NT5C3A: variants seen among roughly 807,000 people sequenced by gnomAD.
NT5C3A encodes 5'-nucleotidase, cytosolic IIIA.
A neutral mutation model predicts 40.0 loss-of-function variants in NT5C3A; 23 were observed. The observed-to-expected ratio is 0.58, with a 90% CI of 0.41 to 0.81. The LOEUF is 0.81. Among genes scored for constraint, NT5C3A ranks in the 40% least tolerant of loss-of-function variants. The pLI, the probability that NT5C3A is intolerant of heterozygous loss-of-function variation, is 0.00. For missense variants in NT5C3A, 328 were observed against 403.0 expected, an observed-to-expected ratio of 0.81 and a Z score of 1.59; for synonymous variants, 130 against 141.4, an observed-to-expected ratio of 0.92 and a Z score of 0.57.
chr7:33,022,916 T>C (rs1022318772), intron 3 of NT5C3A, among the ~76,000 whole-genome samples: 2 of 151,644 alleles, frequency 1.3e-5, no homozygotes, highest in Non-Finnish European at 2.9e-5. Flanking sequence ...TGAAGATTTT[T>C]AGTGTTTTTT....
At chr7:33,037,374 TA>T (rs75596388) in intron 1 of NT5C3A, among the ~76,000 whole-genome samples, 49,082 of 152,052 alleles carry the variant, frequency 0.32, 8,285 homozygotes, top group Non-Finnish European at 0.37. Context: ...GTTTGTTCCA[TA>T]ATGACTTTAC....
At chr7:33,028,570 G>A (rs935915389) in intron 1 of NT5C3A, among the ~76,000 whole-genome samples, 1 of 152,150 alleles carries the variant, frequency 6.6e-6, no homozygotes, top group Non-Finnish European at 1.5e-5. Flanking sequence ...TATGTTATTA[G>A]TAATATTAAC....
Position 33,050,748 on chromosome 7 carries a change from A to C in NT5C3A, c.138+11820T>G, listed in dbSNP as rs79121282. Reference sequence around the variant, plus strand: ...GGAAGATAAACAACATATATGAAAAAAATGACAAAATGGCATTTAAGTCTA... The same window carrying C: ...GGAAGATAAACAACATATATGAAAACAATGACAAAATGGCATTTAAGTCTA... On this transcript the variant is annotated intron_variant, in intron 1 of 8. Coordinates refer to ENST00000610140, the MANE Select transcript of NT5C3A (RefSeq NM_001002010.5). 9.7e-3 allele frequency among the ~76,000 whole-genome samples: 1,480 copies of C among 152,360 alleles called. 9 individuals carry two copies. The highest frequency in any genetic ancestry group is 0.02 in the South Asian group (98 of 4,828).
At chr7:33,038,891 G>GTGTT (rs1786752550) in intron 1 of NT5C3A, 1 of 456,350 alleles carries the variant, frequency 2.2e-6, no homozygotes, top group African/African-American at 2.0e-5. Flanking sequence ...TGTAGAAGAC[G>GTGTT]TGTTCAAAAA....
intron 1 of NT5C3A, among the ~76,000 whole-genome samples, chr7:33,057,572 G>C (rs1787618221): frequency 6.6e-6 from 1 of 152,016 alleles, no homozygotes; most frequent in South Asian, 2.1e-4. Flanking sequence ...AAGAAACACA[G>C]TATGCTAAAG....
intron 1 of NT5C3A, among the ~76,000 whole-genome samples, chr7:33,057,707 T>C (rs979922491): frequency 2.6e-5 from 4 of 152,154 alleles, no homozygotes; most frequent in African/African-American, 9.7e-5. Flanking sequence ...CTAGTGATCG[T>C]TCCATCTCCC....
chr7:33,045,142 G>A (rs1231590344), intron 1 of NT5C3A, among the ~76,000 whole-genome samples: 2 of 152,150 alleles, frequency 1.3e-5, no homozygotes, highest in Non-Finnish European at 2.9e-5. Context: ...TGCCATATAC[G>A]GAAGACAATT....
chr7:33,020,251 A>T (rs927175352), intron 5 of NT5C3A, among the ~76,000 whole-genome samples: 1 of 152,150 alleles, frequency 6.6e-6, no homozygotes, highest in Non-Finnish European at 1.5e-5. Context: ...TCTCTAACCC[A>T]TTACAATTAT....
At chr7:33,022,641 C>T (rs138347109) in intron 3 of NT5C3A, among the ~76,000 whole-genome samples, 1 of 152,244 alleles carries the variant, frequency 6.6e-6, no homozygotes, top group East Asian at 1.9e-4. Flanking sequence ...AGAGATCATA[C>T]CAAATCTGTA....
intron 1 of NT5C3A, chr7:33,029,514 T>C: frequency 2.0e-6 from 1 of 489,680 alleles, no homozygotes; most frequent in Non-Finnish European, 3.7e-6. Context: ...AATCAGCATA[T>C]GTTTGATTCA....
At chr7:33,029,057 A>C (rs1357621359) in intron 1 of NT5C3A, among the ~76,000 whole-genome samples, 1 of 152,136 alleles carries the variant, frequency 6.6e-6, no homozygotes, top group African/African-American at 2.4e-5. Flanking sequence ...CCATGGATGA[A>C]AGATCTACCA....
chr7:33,017,294 C>A, intron 7 of NT5C3A, 145 bp downstream of exon 7: 1 of 630,596 alleles, frequency 1.6e-6, no homozygotes, highest in Non-Finnish European at 2.8e-6. Flanking sequence ...TATATTAACA[C>A]TGAGAAGGAT....
rs189507214 is a variant in NT5C3A at position 33,017,982 on chromosome 7, C to A, written c.531-381G>T. ...ATTGCTTGAGCCCAGGAGTTCTAGT[C>A]CACTCTGGGCAACATAGCGAGACCC... On this transcript the variant is annotated intron_variant, in intron 6 of 8. Transcript: ENST00000610140. 6.0e-3 allele frequency among the ~76,000 whole-genome samples: 913 copies of A among 152,188 alleles called. 9 individuals carry two copies. Among genetic ancestry groups the A allele is most frequent in the African/African-American group, 0.021 (871 of 41,514 alleles).
At chr7:33,046,881 G>T (rs1306610591) in intron 1 of NT5C3A, among the ~76,000 whole-genome samples, 1 of 149,984 alleles carries the variant, frequency 6.7e-6, no homozygotes, top group Non-Finnish European at 1.5e-5. Flanking sequence ...TTGGCTCACT[G>T]CAGCCTCTGC....
At chr7:33,017,342 C>T in intron 7 of NT5C3A, 97 bp downstream of exon 7, 2 of 971,746 alleles carry the variant, frequency 2.1e-6, no homozygotes. Context: ...GGCCTAATTT[C>T]TGGATATAGG....
At chr7:33,043,949 G>C (rs1787035839) in intron 1 of NT5C3A, among the ~76,000 whole-genome samples, 1 of 151,964 alleles carries the variant, frequency 6.6e-6, no homozygotes, top group African/African-American at 2.4e-5. Context: ...CCTTTTTATA[G>C]ATAAAGAATC....
chr7:33,022,157 A>C (rs976665776), intron 3 of NT5C3A, 58 bp from the exon 4 acceptor site: 6 of 902,618 alleles, frequency 6.6e-6, no homozygotes, highest in African/African-American at 1.6e-5. Flanking sequence ...TGCTACCACT[A>C]CTATGAATAA....
chr7:33,042,157 T>C (rs1337453898), intron 1 of NT5C3A, among the ~76,000 whole-genome samples: 1 of 152,008 alleles, frequency 6.6e-6, no homozygotes, highest in Non-Finnish European at 1.5e-5. Context: ...GCTAACATGA[T>C]GAAACCCCAT....
intron 1 of NT5C3A, chr7:33,041,069 A>T: frequency 1.0e-6 from 1 of 985,324 alleles, no homozygotes; most frequent in Non-Finnish European, 1.2e-6. Flanking sequence ...GCTAGTCACA[A>T]GTCAATCTAC....
Sources: gnomAD v4.1 joint callset for allele counts (sites outside exome capture counted in the v4.1 genomes callset) on GRCh38, gnomAD v4.1.1 for gene constraint, MANE v1.5 for transcripts, NCBI Gene and HGNC (gene_info 2026-07-23, HGNC 2026-07-21) for gene names.